PCLO: variants seen among roughly 807,000 people sequenced by gnomAD.
The protein encoded by PCLO is protein piccolo.
In PCLO, 82 loss-of-function variants were observed where a neutral mutation model predicts 427.5. The observed-to-expected ratio is 0.19, with a 90% CI of 0.16 to 0.23. The LOEUF is 0.23. Ranked by LOEUF, PCLO falls within the 10% of genes least tolerant of loss-of-function variation. PCLO has a pLI of 1.00. For synonymous variants in PCLO, 2,357 were observed against 2,155.4 expected (o/e 1.09, Z -2.59); for missense variants, 6,239 against 6,115.9 (o/e 1.02, Z -0.67).
chr7:82,794,045 AT>A lies in PCLO; in HGVS notation c.15007+7472del, dbSNP rs562754878. 5.4e-3 allele frequency among the ~76,000 whole-genome samples: 819 copies of A among 152,250 alleles called. 7 individuals are homozygous for A. The highest frequency in any genetic ancestry group is 6.8e-3 in the Non-Finnish European group (461 of 68,000). On this transcript the variant is annotated intron_variant, in intron 22 of 24. Coordinates refer to ENST00000333891, the MANE Select transcript of PCLO (RefSeq NM_033026.6). ...ATTTAAAATTTCAAAGGCATTAATT[AT>A]TATCCTTTTCTTTTTAAGCCTCTAT...
intron 3 of PCLO, among the ~76,000 whole-genome samples, chr7:83,010,141 T>C (rs1788043121): frequency 6.6e-6 from 1 of 151,924 alleles, no homozygotes; most frequent in Admixed American, 6.6e-5. Flanking sequence ...CTTATAAGCA[T>C]TATTTTCTTC....
intron 3 of PCLO, among the ~76,000 whole-genome samples, chr7:83,017,066 A>G (rs545658960): frequency 3.5e-4 from 54 of 152,254 alleles, no homozygotes; most frequent in Middle Eastern, 6.8e-3. Context: ...AAATCTTTCC[A>G]AAGACTTGGA....
Position 82,999,834 on chromosome 7 carries a change from A to ATATAAAATATAATATATAATATT in PCLO, c.3301-33348_3301-33347insAATATTATATATTATATTTTATA, listed in dbSNP as rs1787768368. Reference sequence around the variant, plus strand: ...ATATAAAATATAATATATAATATTAAATATAAAATATAATATATAATATTA... The same window carrying ATATAAAATATAATATATAATATT: ...ATATAAAATATAATATATAATATTAATATAAAATATAATATATAATATTATATAAAATATAATATATAATATTA... On this transcript the variant is annotated intron_variant, in intron 3 of 24. Coordinates refer to ENST00000333891, the MANE Select transcript of PCLO (RefSeq NM_033026.6). Among the ~76,000 whole-genome samples, 7 of 14,190 alleles carry ATATAAAATATAATATATAATATT rather than the reference A, an allele frequency of 4.9e-4. 2 individuals are homozygous for ATATAAAATATAATATATAATATT. The highest frequency in any genetic ancestry group is 2.1e-3 in the African/African-American group (2 of 932). 9.3% of individuals were successfully genotyped at this position (14,190 alleles called of 152,430 possible).
At position 82,954,774 on chromosome 7, in the gene PCLO, T is replaced by A; in HGVS notation, c.6179A>T (p.Asp2060Val). Residue 2060 changes from aspartate to valine, a missense_variant, in exon 5 of 25, where the codon GAT (aspartate) becomes GTT (valine). Physicochemically the swap from Asp to Val is radical, Grantham distance 152. Transcript: ENST00000333891. Reference sequence around the variant, plus strand: ...AAGTTCTTCATAGGCAGCATCAGCATCTAGTAGTTTCCTTTCTTCTTCTGT... The same window carrying A: ...AAGTTCTTCATAGGCAGCATCAGCAACTAGTAGTTTCCTTTCTTCTTCTGT... Reference protein sequence around the residue: ...TSTEEERKLLDADAAYEELMK... With the variant: ...TSTEEERKLLVADAAYEELMK... 6.2e-7 allele frequency: 1 copy of A among 1,613,794 alleles called. No homozygotes were observed. The highest frequency in any genetic ancestry group is 8.5e-7 in the Non-Finnish European group (1 of 1,179,816).
intron 3 of PCLO, among the ~76,000 whole-genome samples, chr7:83,071,819 G>T (rs965157328): frequency 2.0e-5 from 3 of 152,048 alleles, no homozygotes; most frequent in Non-Finnish European, 4.4e-5. Context: ...CATGTTGTTG[G>T]AAGATGAATG....
At chr7:82,908,831 GTC>G (rs752196007) in intron 8 of PCLO, 44 bp downstream of exon 8, 6 of 1,525,816 alleles carry the variant, frequency 3.9e-6, no homozygotes, top group Non-Finnish European at 5.4e-6. Context: ...GTAGACTTGA[GTC>G]TTTTTTGATA....
chr7:82,939,318 A>G (rs914217270), intron 6 of PCLO, among the ~76,000 whole-genome samples: 1 of 152,090 alleles, frequency 6.6e-6, no homozygotes, highest in Non-Finnish European at 1.5e-5. Context: ...ATAATTACCT[A>G]TCAAAAGCCA....
intron 6 of PCLO, among the ~76,000 whole-genome samples, chr7:82,923,259 A>AT (rs2116307296): frequency 6.6e-6 from 1 of 152,122 alleles, no homozygotes; most frequent in Admixed American, 6.6e-5. Flanking sequence ...AAGAAACTTA[A>AT]TTTTTTGAAA....
chr7:82,897,507 G>C (rs1393840096), intron 9 of PCLO, among the ~76,000 whole-genome samples: 1 of 151,416 alleles, frequency 6.6e-6, no homozygotes, highest in Non-Finnish European at 1.5e-5. Context: ...CATAGGTATA[G>C]GTATGAACAA....
Position 82,805,703 on chromosome 7 carries a change from A to C in PCLO, c.14918T>G (p.Phe4973Cys), listed in dbSNP as rs1306406326. ...ACCCACTTACATCCTCGGAATAGGA[A>C]ATAGATTAGTCTCCCCTGCAGTGCT... ...SSSTAGETNL[F>C]PIPRIGKMGQ... The change falls in exon 21 of 25, where the codon TTT (phenylalanine) becomes TGT (cysteine). Residue 4973 changes from phenylalanine (F) to cysteine (C), a missense_variant. Phe to Cys is a radical substitution (Grantham distance 205). This residue lies in a region of PCLO where 877 missense variants were observed against 925.5 expected (regional missense o/e 0.95). Transcript: ENST00000333891. 1.2e-6 allele frequency: 2 copies of C among 1,612,832 alleles called. No homozygotes were observed.
chr7:82,794,979 T>TA (rs1253957665), intron 22 of PCLO, among the ~76,000 whole-genome samples: 1 of 152,148 alleles, frequency 6.6e-6, no homozygotes, highest in Non-Finnish European at 1.5e-5. Flanking sequence ...TGTTTATTAT[T>TA]TCTTTGAAGC....
intron 20 of PCLO, among the ~76,000 whole-genome samples, chr7:82,808,886 T>C (rs1012340809): frequency 1.3e-5 from 2 of 151,928 alleles, no homozygotes; most frequent in African/African-American, 4.8e-5. Flanking sequence ...ATGAATTAAA[T>C]TAAAACACAC....
At chr7:83,137,531 C>T (rs144149790) in intron 2 of PCLO, among the ~76,000 whole-genome samples, 4,009 of 152,182 alleles carry the variant, frequency 0.026, 117 homozygotes, top group Admixed American at 0.059. Context: ...CCCAGGTTCA[C>T]GCCATTCCCC....
intron 2 of PCLO, among the ~76,000 whole-genome samples, chr7:83,138,054 A>T (rs1368841143): frequency 6.6e-6 from 1 of 152,090 alleles, no homozygotes; most frequent in Non-Finnish European, 1.5e-5. Flanking sequence ...TTTCTCATTA[A>T]TTTTCTTCCA....
intron 3 of PCLO, among the ~76,000 whole-genome samples, chr7:83,084,788 C>T (rs1022199129): frequency 4.6e-5 from 7 of 152,082 alleles, no homozygotes; most frequent in African/African-American, 1.4e-4. Flanking sequence ...CGTATTCGAA[C>T]GCTTTCAATT....
intron 10 of PCLO, among the ~76,000 whole-genome samples, chr7:82,859,453 G>A (rs915673010): frequency 6.6e-6 from 1 of 152,178 alleles, no homozygotes; most frequent in Non-Finnish European, 1.5e-5. Flanking sequence ...GAGAACAAGA[G>A]TCTCTGTCTG....
At chr7:83,046,975 TA>T (rs201499859) in intron 3 of PCLO, among the ~76,000 whole-genome samples, 2,343 of 152,128 alleles carry the variant, frequency 0.015, 31 homozygotes, top group Non-Finnish European at 0.022. Context: ...AATAGCTAAT[TA>T]TTTTTAAATG....
intron 3 of PCLO, among the ~76,000 whole-genome samples, chr7:83,092,196 A>C (rs1480441197): frequency 9.2e-5 from 14 of 152,152 alleles, no homozygotes; most frequent in Non-Finnish European, 1.5e-5. Flanking sequence ...TTTGTAAGTC[A>C]CCCTGCAGAA....
At chr7:83,069,053 TA>T (rs1789741389) in intron 3 of PCLO, among the ~76,000 whole-genome samples, 4 of 152,240 alleles carry the variant, frequency 2.6e-5, no homozygotes, top group Middle Eastern at 3.4e-3. Flanking sequence ...TACCACGGGT[TA>T]GGGGGTGTGG....
Sources: allele counts gnomAD v4.1 joint callset (sites outside exome capture counted in the v4.1 genomes callset), GRCh38; gene constraint gnomAD v4.1.1; regional missense constraint gnomAD v4.1.1; transcripts MANE v1.5; gene names NCBI Gene and HGNC (gene_info 2026-07-23, HGNC 2026-07-21).